The following GLIS1 variants were observed in gnomAD, a reference collection of about 807,000 sequenced individuals.
The protein encoded by GLIS1 is zinc finger protein GLIS1.
Under a neutral mutation model 63.8 loss-of-function variants are expected in GLIS1, and 24 were observed. The observed-to-expected ratio is 0.38, with a 90% confidence interval of 0.27 to 0.53. The LOEUF (loss-of-function observed/expected upper bound fraction) is 0.53, where lower values mean the gene tolerates loss of function less well. GLIS1 is among the 20% of genes least tolerant of loss of function. The pLI, the probability that GLIS1 is intolerant of heterozygous loss-of-function variation, is 0.85. For missense variants in GLIS1, 1,036 were observed against 1,074.1 expected, an observed-to-expected ratio of 0.96 and a Z score of 0.50; for synonymous variants, 450 against 482.5, an observed-to-expected ratio of 0.93 and a Z score of 0.88.
At chr1:53,735,478 TA>T (rs1646903636) in intron 2 of GLIS1, among the ~76,000 whole-genome samples, 2 of 152,350 alleles carry the variant, frequency 1.3e-5, no homozygotes, top group African/African-American at 4.8e-5. Context: ...GTAGTAATCC[TA>T]AAAATAACCA....
In GLIS1 at chr1:53,544,786, C is replaced by T. The variant is rs544512305; in HGVS notation, c.1321-14834G>A. ...TCAGGCTCAGCTCCAACACTGGTTT[C>T]TTTGTGAGGTTCTGGGCTTTGGGGC... On this transcript the variant is annotated intron_variant, in intron 4 of 10. Coordinates refer to ENST00000628545, the MANE Select transcript of GLIS1 (RefSeq NM_001367484.1). Among the ~76,000 whole-genome samples, 4 of 152,332 alleles carry T rather than the reference C, an allele frequency of 2.6e-5. No homozygotes were observed. In the East Asian group the frequency reaches 7.7e-4, roughly 29 times the overall value.
intron 2 of GLIS1, among the ~76,000 whole-genome samples, chr1:53,699,397 G>C (rs1378878853): frequency 5.9e-5 from 9 of 152,146 alleles, no homozygotes; most frequent in Admixed American, 5.9e-4. Context: ...AGTCTGCTCA[G>C]CTGCCATGAC....
Position 53,574,062 on chromosome 1 carries a change from G to A in GLIS1, c.1320+20046C>T, listed in dbSNP as rs866047363. Among the ~76,000 whole-genome samples, 9 of 152,274 alleles carry A rather than the reference G, an allele frequency of 5.9e-5. No homozygotes were observed. Among genetic ancestry groups the A allele is most frequent in the Admixed American group, 2.6e-4 (4 of 15,304 alleles). On this transcript the variant is annotated intron_variant, in intron 4 of 10. Coordinates refer to ENST00000628545, the MANE Select transcript of GLIS1 (RefSeq NM_001367484.1). This position sits in a 1 kb window ranked among gnomAD's most constrained non-coding sequence, Gnocchi z 4.2. ...CCAACTGCTGCTCCATCCTGCAGCC[G>A]GCTCCAGGCACTCAGATGGCAGAAC...
In GLIS1 at chr1:53,716,280, A is replaced by G. The variant is rs903873625; in HGVS notation, c.259+21526T>C. On this transcript the variant is annotated intron_variant, in intron 2 of 10. Transcript: ENST00000628545. ...GGGTAGGGGCCCAACAGTGAGAACA[A>G]CAGGGGGAGAGGGAGGCAGAGGGTT... 3.3e-5 allele frequency among the ~76,000 whole-genome samples: 5 copies of G among 152,178 alleles called. 1 individual carries two copies. In the East Asian group the frequency reaches 9.6e-4, roughly 29 times the overall value.
intron 4 of GLIS1, among the ~76,000 whole-genome samples, chr1:53,563,179 T>C (rs1301614328): frequency 6.6e-6 from 1 of 152,244 alleles, no homozygotes. Flanking sequence ...AGACAAACCC[T>C]GGCCATGTGG....
rs527315079 is a variant in GLIS1, at chr1:53,735,833, G to A, written c.259+1973C>T. Among the ~76,000 whole-genome samples, 3 of 152,246 alleles carry A rather than the reference G, an allele frequency of 2.0e-5. No homozygotes were observed. The South Asian group carries it at 6.2e-4, about 32-fold the overall frequency. On this transcript the variant is annotated intron_variant, in intron 2 of 10. Coordinates refer to ENST00000628545, the MANE Select transcript of GLIS1 (RefSeq NM_001367484.1). The stretch of plus-strand genomic sequence containing the variant: ...ATTTTTAAGGACGCTGAAGAACTGG[G>A]GGAAAGCTGGGTTTGTCTCGGGCCA...
intron 2 of GLIS1, among the ~76,000 whole-genome samples, chr1:53,659,630 G>T (rs1422140129): frequency 1.3e-5 from 2 of 152,108 alleles, no homozygotes; most frequent in Admixed American, 6.5e-5. Context: ...TTGTGAGGGG[G>T]CCACACCTGG....
intron 7 of GLIS1, 80 bp downstream of exon 7, chr1:53,520,554 A>G: frequency 6.9e-7 from 1 of 1,440,972 alleles, no homozygotes; most frequent in Non-Finnish European, 9.2e-7. Context: ...CGGCCCACTG[A>G]GCATCACTTG....
intron 2 of GLIS1, among the ~76,000 whole-genome samples, chr1:53,635,131 G>T (rs1645710534): frequency 6.6e-6 from 1 of 151,946 alleles, no homozygotes; most frequent in South Asian, 2.1e-4. Flanking sequence ...TCCAGGAGAG[G>T]GGCAAAAATT....
intron 2 of GLIS1, among the ~76,000 whole-genome samples, chr1:53,709,970 T>C (rs1182505186): frequency 1.3e-5 from 2 of 152,150 alleles, no homozygotes; most frequent in Non-Finnish European, 2.9e-5. Flanking sequence ...AGGGGGACAC[T>C]TGTACAGAAC....
intron 2 of GLIS1, among the ~76,000 whole-genome samples, chr1:53,651,452 A>C (rs1239882633): frequency 1.3e-5 from 2 of 152,218 alleles, no homozygotes; most frequent in Non-Finnish European, 2.9e-5. Context: ...CTGAAACACA[A>C]ACCAGTGCAG....
At chr1:53,664,117 TC>T (rs1412502895) in intron 2 of GLIS1, among the ~76,000 whole-genome samples, 1 of 152,128 alleles carries the variant, frequency 6.6e-6, no homozygotes, top group Non-Finnish European at 1.5e-5. Context: ...CCTGACAGGA[TC>T]CATGCGGTGC....
intron 4 of GLIS1, among the ~76,000 whole-genome samples, chr1:53,553,280 G>A (rs1276201902): frequency 6.6e-6 from 1 of 152,082 alleles, no homozygotes; most frequent in Non-Finnish European, 1.5e-5. Flanking sequence ...ATGGTGCCCT[G>A]CCCAGGTGCA....
chr1:53,697,426 T>G (rs1178586362), intron 2 of GLIS1, among the ~76,000 whole-genome samples: 1 of 152,174 alleles, frequency 6.6e-6, no homozygotes, highest in Non-Finnish European at 1.5e-5. Context: ...CTCTTCACCC[T>G]TCAAAGCATG....
In GLIS1 at chr1:53,732,183, T is replaced by C. The variant is rs377329217; in HGVS notation, c.259+5623A>G. Among the ~76,000 whole-genome samples the C allele has an allele frequency of 2.0e-5, 3 of 152,310 alleles. No individual in the cohort carries two copies. The East Asian group carries it at 5.8e-4, about 29-fold the overall frequency. On this transcript the variant is annotated intron_variant, in intron 2 of 10. Coordinates refer to ENST00000628545, the MANE Select transcript of GLIS1 (RefSeq NM_001367484.1). ...GCTCGTAATGCTAACACGATCCGCC[T>C]CGATCCACCGGAAACCTACTGAAGG...
At chr1:53,591,557 A>C (rs1645193389) in intron 4 of GLIS1, among the ~76,000 whole-genome samples, 1 of 152,212 alleles carries the variant, frequency 6.6e-6, no homozygotes, top group Non-Finnish European at 1.5e-5. Flanking sequence ...TATTCTTATT[A>C]TAACTGTTGT....
chr1:53,632,974 C>A (rs546809557), intron 2 of GLIS1, among the ~76,000 whole-genome samples: 1 of 79,524 alleles, frequency 1.3e-5, no homozygotes, highest in East Asian at 4.2e-4. Context: ...ATATGTGTGA[C>A]CGAGGGGTGT....
At chr1:53,650,487 A>C (rs1225105580) in intron 2 of GLIS1, among the ~76,000 whole-genome samples, 1 of 151,770 alleles carries the variant, frequency 6.6e-6, no homozygotes. Context: ...CTACATGGGA[A>C]GCTAAGGCAG....
intron 2 of GLIS1, among the ~76,000 whole-genome samples, chr1:53,708,150 G>T (rs1202652195): frequency 1.3e-5 from 2 of 152,094 alleles, no homozygotes; most frequent in African/African-American, 4.8e-5. Flanking sequence ...GGGCGTGGTG[G>T]GGGATGCCTG....
Sources: allele counts gnomAD v4.1 joint callset (sites outside exome capture counted in the v4.1 genomes callset), GRCh38; gene constraint gnomAD v4.1.1; non-coding constraint Gnocchi (gnomAD v3.1); transcripts MANE v1.5; gene names NCBI Gene and HGNC (gene_info 2026-07-23, HGNC 2026-07-21).